The following DLGAP2 variants were observed in gnomAD, a reference collection of about 807,000 sequenced individuals.
DLGAP2 encodes disks large-associated protein 2.
Under a neutral mutation model 100.3 loss-of-function variants are expected in DLGAP2, and 26 were observed. That is an observed-to-expected ratio of 0.26 (90% CI 0.19 to 0.36). The LOEUF is 0.36. Ranked by LOEUF, DLGAP2 falls within the 10% of genes least tolerant of loss-of-function variation. The probability of loss-of-function intolerance (pLI) is 1.00; values close to 1 mark genes in which losing one functional copy is unlikely to be tolerated. For missense variants in DLGAP2, 1,858 were observed against 1,453.2 expected (o/e 1.28, Z -4.53); for synonymous variants, 886 against 630.1 (o/e 1.41, Z -6.08).
intron 6 of DLGAP2, among the ~76,000 whole-genome samples, chr8:1,593,632 A>G (rs760287560): frequency 2.6e-5 from 4 of 152,060 alleles, no homozygotes; most frequent in Non-Finnish European, 5.9e-5. Flanking sequence ...CCTGGCTTCT[A>G]CCTTCTCCCA....
chr8:1,063,333 T>C (rs1047550475), intron 2 of DLGAP2, among the ~76,000 whole-genome samples: 1 of 152,132 alleles, frequency 6.6e-6, no homozygotes, highest in African/African-American at 2.4e-5. Context: ...GGAAGCATGC[T>C]TCTGAGTGCA....
At chr8:830,221 A>T (rs1253332472) in intron 1 of DLGAP2, among the ~76,000 whole-genome samples, 4 of 152,194 alleles carry the variant, frequency 2.6e-5, no homozygotes, top group Non-Finnish European at 5.9e-5. Flanking sequence ...AGACATTTTG[A>T]TACAGGCATG....
rs1031214859 is a variant in DLGAP2 at position 1,263,796 on chromosome 8, C to G, written c.106+4913C>G. On this transcript the variant is annotated intron_variant, in intron 3 of 14. Coordinates refer to ENST00000637795, the MANE Select transcript of DLGAP2 (RefSeq NM_001346810.2). Reference sequence around the variant, plus strand: ...GTGGAGAGGGAGGGCACCACTGTTTCAAAGACAGCTGCCACCCTGTCTCTC... The same window carrying G: ...GTGGAGAGGGAGGGCACCACTGTTTGAAAGACAGCTGCCACCCTGTCTCTC... Among the ~76,000 whole-genome samples the G allele has an allele frequency of 2.6e-5, 4 of 152,148 alleles. No individual in the cohort carries two copies. In the East Asian group the frequency reaches 5.8e-4, roughly 22 times the overall value.
intron 2 of DLGAP2, among the ~76,000 whole-genome samples, chr8:1,168,102 G>T (rs1563227024): frequency 7.4e-6 from 1 of 135,400 alleles, no homozygotes; most frequent in South Asian, 2.4e-4. Context: ...TCATTGTTCA[G>T]TTCCCACCTA....
rs577524117 is a variant in DLGAP2, at chr8:840,728, A to G, written c.19-67184A>G. On this transcript the variant is annotated intron_variant, in intron 1 of 14. Coordinates refer to ENST00000637795, the MANE Select transcript of DLGAP2 (RefSeq NM_001346810.2). ...CTCTGGATTCTGTGAGTGCATTTAC[A>G]CGGTGCACGCCTGCACGTTTCCCCA... is the stretch of plus-strand genomic sequence containing the variant. Among the ~76,000 whole-genome samples the G allele has an allele frequency of 1.2e-4, 17 of 146,490 alleles. 3 individuals are homozygous for G. The highest frequency in any genetic ancestry group is 4.3e-4 in the African/African-American group (17 of 39,092).
At chr8:998,042 TAC>T (rs763785430) in intron 2 of DLGAP2, among the ~76,000 whole-genome samples, 3 of 151,934 alleles carry the variant, frequency 2.0e-5, no homozygotes, top group East Asian at 1.9e-4. Context: ...AACATGTGCA[TAC>T]AGTCATACAC....
intron 2 of DLGAP2, among the ~76,000 whole-genome samples, chr8:1,159,863 A>G (rs1014181801): frequency 4.6e-5 from 7 of 152,216 alleles, no homozygotes; most frequent in South Asian, 4.1e-4. Context: ...GTGTCTGTCT[A>G]CAGGCCCCCC....
Position 927,033 on chromosome 8 carries a change from G to A in DLGAP2, c.73+19067G>A, listed in dbSNP as rs530124111. The stretch of plus-strand genomic sequence containing the variant: ...CGAGAAAGAGAAAGAGCTCAGAGCC[G>A]GGGACTGGAGGCCTGGAGGAGCCGA... On this transcript the variant is annotated intron_variant, in intron 2 of 14. Coordinates refer to ENST00000637795, the MANE Select transcript of DLGAP2 (RefSeq NM_001346810.2). The A allele has an allele frequency of 2.0e-4, 197 of 985,418 alleles. 1 individual carries two copies. Among genetic ancestry groups the A allele is most frequent in the South Asian group, 6.1e-4 (13 of 21,276 alleles). The allele number at this position is 985,418 out of a possible 1,614,324, so 61.0% of individuals were successfully genotyped here.
intron 3 of DLGAP2, among the ~76,000 whole-genome samples, chr8:1,489,776 G>T (rs1246284925): frequency 6.6e-6 from 1 of 152,168 alleles, no homozygotes; most frequent in Non-Finnish European, 1.5e-5. Context: ...CAATTCTCAC[G>T]TAACGTTACG....
chr8:1,349,962 C>T (rs1045931452), intron 3 of DLGAP2, among the ~76,000 whole-genome samples: 1 of 152,206 alleles, frequency 6.6e-6, no homozygotes, highest in African/African-American at 2.4e-5. Flanking sequence ...CTGTACTTTA[C>T]AGAGGCTCTA....
At chr8:888,649 G>T (rs1184996151) in intron 1 of DLGAP2, among the ~76,000 whole-genome samples, 1 of 150,868 alleles carries the variant, frequency 6.6e-6, no homozygotes, top group African/African-American at 2.4e-5. Context: ...TTGGGGTGCT[G>T]CAGTTTGCTG....
intron 6 of DLGAP2, among the ~76,000 whole-genome samples, chr8:1,589,617 T>C (rs1327133415): frequency 9.9e-5 from 15 of 152,178 alleles, no homozygotes; most frequent in Non-Finnish European, 5.9e-5. Flanking sequence ...GTTTTTGTTT[T>C]TGTTATTGTT....
At chr8:1,654,172 C>G (rs1048710061) in intron 8 of DLGAP2, among the ~76,000 whole-genome samples, 1 of 152,148 alleles carries the variant, frequency 6.6e-6, no homozygotes, top group Non-Finnish European at 1.5e-5. Flanking sequence ...AATTAGGTGT[C>G]CCGTGTACGC....
intron 4 of DLGAP2, among the ~76,000 whole-genome samples, chr8:1,515,056 G>A (rs945102287): frequency 2.0e-5 from 3 of 151,988 alleles, no homozygotes; most frequent in South Asian, 2.1e-4. Context: ...CAGGGATACC[G>A]ATCCCTGCAG....
intron 1 of DLGAP2, among the ~76,000 whole-genome samples, chr8:888,218 G>A (rs950307528): frequency 7.9e-5 from 12 of 152,158 alleles, no homozygotes; most frequent in Non-Finnish European, 2.9e-5. Context: ...TTCTCGTGCT[G>A]TGTTTTTCAG....
chr8:1,217,985 C>G (rs980845886), intron 2 of DLGAP2, among the ~76,000 whole-genome samples: 4 of 152,032 alleles, frequency 2.6e-5, no homozygotes, highest in Admixed American at 2.0e-4. Context: ...TTTGTTGATG[C>G]TAGGTATTAG....
At chr8:1,280,275 C>T (rs1485416070) in intron 3 of DLGAP2, among the ~76,000 whole-genome samples, 1 of 152,142 alleles carries the variant, frequency 6.6e-6, no homozygotes, top group African/African-American at 2.4e-5. Context: ...CATCTCTGCA[C>T]TTAGTTTATA....
At chr8:1,656,930 T>G (rs948581203) in intron 8 of DLGAP2, among the ~76,000 whole-genome samples, 1 of 152,064 alleles carries the variant, frequency 6.6e-6, no homozygotes, top group Non-Finnish European at 1.5e-5. Flanking sequence ...CCAAACCAAT[T>G]CAGTAATTGA....
At chr8:1,245,681 G>C (rs186561258) in intron 2 of DLGAP2, among the ~76,000 whole-genome samples, 34 of 152,354 alleles carry the variant, frequency 2.2e-4, no homozygotes, top group Admixed American at 1.4e-3. Flanking sequence ...AGCTCTGTGA[G>C]TATGCTATTG....
Sources: gnomAD v4.1 joint callset for allele counts (sites outside exome capture counted in the v4.1 genomes callset) on GRCh38, gnomAD v4.1.1 for gene constraint, MANE v1.5 for transcripts, NCBI Gene and HGNC (gene_info 2026-07-23, HGNC 2026-07-21) for gene names.